BMERB1: variants seen among roughly 807,000 people sequenced by gnomAD.
BMERB1 encodes the protein bMERB domain-containing protein 1.
BMERB1 carries 12 observed loss-of-function variants against 23.6 expected under a neutral mutation model. That is an observed-to-expected ratio of 0.51 (90% CI 0.33 to 0.82). The LOEUF is 0.82. Among genes scored for constraint, BMERB1 ranks in the 40% least tolerant of loss-of-function variants. The probability of loss-of-function intolerance (pLI) is 0.03; values close to 1 mark genes in which losing one functional copy is unlikely to be tolerated. For missense variants in BMERB1, 247 were observed against 255.4 expected, an observed-to-expected ratio of 0.97 and a Z score of 0.22; for synonymous variants, 122 against 96.6, an observed-to-expected ratio of 1.26 and a Z score of -1.54.
chr16:15,449,765 C>T (rs535874712), intron 1 of BMERB1, among the ~76,000 whole-genome samples: 234 of 152,038 alleles, frequency 1.5e-3, no homozygotes, highest in African/African-American at 5.4e-3. Flanking sequence ...AGACTGGTCT[C>T]GAACTCCTGA....
chr16:15,463,102 A>G (rs1157929278), intron 1 of BMERB1, among the ~76,000 whole-genome samples: 1 of 150,050 alleles, frequency 6.7e-6, no homozygotes. Flanking sequence ...TCTTCTGGAG[A>G]CAAGGTCTTG....
chr16:15,511,436 A>G (rs1392782474), intron 1 of BMERB1, among the ~76,000 whole-genome samples: 2 of 151,728 alleles, frequency 1.3e-5, no homozygotes, highest in Non-Finnish European at 2.9e-5. Context: ...TGTTTTTCCC[A>G]TTCACCCACC....
At chr16:15,569,596 C>T (rs1481264730) in intron 3 of BMERB1, among the ~76,000 whole-genome samples, 1 of 152,100 alleles carries the variant, frequency 6.6e-6, no homozygotes, top group African/African-American at 2.4e-5. Context: ...GGACACACAT[C>T]CAAACTATAT....
intron 4 of BMERB1, 103 bp downstream of exon 4, chr16:15,581,434 C>T: frequency 1.0e-5 from 9 of 878,672 alleles, no homozygotes; most frequent in Non-Finnish European, 1.6e-5. Flanking sequence ...CCTTGCCTAA[C>T]AGGCATGGCC....
intron 1 of BMERB1, among the ~76,000 whole-genome samples, chr16:15,463,678 C>G (rs1156837114): frequency 6.6e-6 from 1 of 152,102 alleles, no homozygotes; most frequent in Non-Finnish European, 1.5e-5. Context: ...TACATGCTCC[C>G]CAAAAGATGT....
intron 2 of BMERB1, among the ~76,000 whole-genome samples, chr16:15,563,084 A>G (rs1440008362): frequency 6.6e-6 from 1 of 152,126 alleles, no homozygotes; most frequent in Non-Finnish European, 1.5e-5. Context: ...TCGCATTTCT[A>G]TAAAGAACTA....
intron 3 of BMERB1, among the ~76,000 whole-genome samples, chr16:15,577,521 T>C (rs577245145): frequency 6.6e-6 from 1 of 152,336 alleles, no homozygotes; most frequent in South Asian, 2.1e-4. Context: ...CAAAAGTTTA[T>C]TAACAAGTTT....
chr16:15,438,443 G>T (rs1227148388), intron 1 of BMERB1, among the ~76,000 whole-genome samples: 1 of 149,068 alleles, frequency 6.7e-6, no homozygotes, highest in Non-Finnish European at 1.5e-5. Context: ...CTTGAATCTG[G>T]CAAGTTTTAT....
At chr16:15,520,806 A>G (rs2051843881) in intron 2 of BMERB1, among the ~76,000 whole-genome samples, 1 of 152,176 alleles carries the variant, frequency 6.6e-6, no homozygotes, top group Admixed American at 6.5e-5. Flanking sequence ...TCTTTTGGAT[A>G]AATACAGAAG....
intron 2 of BMERB1, among the ~76,000 whole-genome samples, chr16:15,541,895 C>T (rs1427255989): frequency 6.9e-6 from 1 of 144,614 alleles, no homozygotes; most frequent in African/African-American, 2.6e-5. Flanking sequence ...AGCCACCATA[C>T]CCGGCCTAAA....
At chr16:15,502,227 C>A in intron 1 of BMERB1, 1 of 1,471,750 alleles carries the variant, frequency 6.8e-7, no homozygotes, top group Non-Finnish European at 9.3e-7. Flanking sequence ...CAGAAACTCG[C>A]AGAAGTTAAA....
chr16:15,473,246 T>C (rs1384693070), intron 1 of BMERB1, among the ~76,000 whole-genome samples: 1 of 151,958 alleles, frequency 6.6e-6, no homozygotes, highest in African/African-American at 2.4e-5. Flanking sequence ...CAAGCCTTCT[T>C]CTGTTATCAT....
At chr16:15,569,537 G>T (rs1034023740) in intron 3 of BMERB1, among the ~76,000 whole-genome samples, 6 of 152,114 alleles carry the variant, frequency 3.9e-5, no homozygotes, top group Non-Finnish European at 8.8e-5. Flanking sequence ...CTCTCATCAG[G>T]CCACGCCTCC....
chr16:15,508,357 C>T (rs910611182), intron 1 of BMERB1, among the ~76,000 whole-genome samples: 1 of 152,000 alleles, frequency 6.6e-6, no homozygotes, highest in South Asian at 2.1e-4. Flanking sequence ...TTTGAGGCTT[C>T]GTGGGCCAGG....
rs560836611 is a variant in BMERB1 at position 15,562,631 on chromosome 16, A to G, written c.231-5352A>G. Among the ~76,000 whole-genome samples the G allele has an allele frequency of 5.0e-4, 76 of 152,242 alleles. No homozygotes were observed. In the Middle Eastern group the frequency reaches 0.017, roughly 34 times the overall value. On this transcript the variant is annotated intron_variant, in intron 2 of 5. Coordinates refer to ENST00000300006, the MANE Select transcript of BMERB1 (RefSeq NM_033201.3). Reference sequence around the variant, plus strand: ...AGTGTCCCTGGTCTCTACCCACTAGATGCCAGTAGCAACCACACCCCTCCC... The same window carrying G: ...AGTGTCCCTGGTCTCTACCCACTAGGTGCCAGTAGCAACCACACCCCTCCC...
chr16:15,560,460 T>A (rs1193025881), intron 2 of BMERB1, among the ~76,000 whole-genome samples: 2 of 152,224 alleles, frequency 1.3e-5, no homozygotes, highest in Non-Finnish European at 2.9e-5. Flanking sequence ...CTACAATGAT[T>A]AGGGATCCAT....
At chr16:15,545,191 T>C (rs1462093688) in intron 2 of BMERB1, among the ~76,000 whole-genome samples, 2 of 152,106 alleles carry the variant, frequency 1.3e-5, no homozygotes, top group African/African-American at 4.8e-5. Context: ...CAGGCTGGTC[T>C]CGAACTCCTG....
intron 3 of BMERB1, among the ~76,000 whole-genome samples, chr16:15,574,228 C>T (rs1015106013): frequency 1.3e-5 from 2 of 152,150 alleles, no homozygotes; most frequent in Non-Finnish European, 2.9e-5. Context: ...CATGGGAACT[C>T]GCTCACTATC....
chr16:15,584,903 C>T (rs142097820), intron 5 of BMERB1, among the ~76,000 whole-genome samples: 83 of 152,292 alleles, frequency 5.5e-4, no homozygotes, highest in African/African-American at 1.8e-3. Flanking sequence ...CTCTTAGATC[C>T]ATTACCATCA....
Sources: allele counts gnomAD v4.1 joint callset (sites outside exome capture counted in the v4.1 genomes callset), GRCh38; gene constraint gnomAD v4.1.1; transcripts MANE v1.5; gene names NCBI Gene and HGNC (gene_info 2026-07-23, HGNC 2026-07-21).